The following PCSK5 variants were observed in gnomAD, a reference collection of about 807,000 sequenced individuals.
PCSK5 encodes proprotein convertase subtilisin/kexin type 5, also known as prohormone convertase 5.
In PCSK5, 129 loss-of-function variants were observed where a neutral mutation model predicts 233.2. That is an observed-to-expected ratio of 0.55 (90% CI 0.48 to 0.64). The LOEUF (loss-of-function observed/expected upper bound fraction) is 0.64, where lower values mean the gene tolerates loss of function less well. Among genes scored for constraint, PCSK5 ranks in the 30% least tolerant of loss-of-function variants. The pLI is 0.00. For missense variants in PCSK5, 2,076 were observed against 2,430.1 expected (o/e 0.85, Z 3.06); for synonymous variants, 825 against 879.2 (o/e 0.94, Z 1.09).
chr9:76,020,354 T>C (rs970325834), intron 3 of PCSK5, among the ~76,000 whole-genome samples: 2 of 152,212 alleles, frequency 1.3e-5, no homozygotes, highest in Non-Finnish European at 2.9e-5. Context: ...TCTTGAGGTA[T>C]AGGAAACAAC....
chr9:76,193,539 T>G (rs1406685554), intron 20 of PCSK5: 1 of 512,868 alleles, frequency 1.9e-6, no homozygotes. Flanking sequence ...AGAACTTAAA[T>G]GGAAAAAAAA....
chr9:76,043,982 T>A (rs1183022198), intron 5 of PCSK5, among the ~76,000 whole-genome samples: 1 of 152,200 alleles, frequency 6.6e-6, no homozygotes, highest in African/African-American at 2.4e-5. Context: ...TACCCCTAAC[T>A]AATTATAATT....
intron 24 of PCSK5, among the ~76,000 whole-genome samples, chr9:76,268,421 C>G (rs1426787083): frequency 6.6e-6 from 1 of 152,178 alleles, no homozygotes; most frequent in Non-Finnish European, 1.5e-5. Context: ...TGTTTGTTGA[C>G]TGGTGGTGGC....
intron 20 of PCSK5, among the ~76,000 whole-genome samples, chr9:76,220,707 T>C (rs1171473220): frequency 2.6e-5 from 4 of 152,176 alleles, no homozygotes; most frequent in African/African-American, 7.2e-5. Flanking sequence ...GTATACATTA[T>C]GGAATGGCTA....
chr9:75,944,588 G>A (rs1009043545), intron 2 of PCSK5, among the ~76,000 whole-genome samples: 2 of 151,964 alleles, frequency 1.3e-5, no homozygotes, highest in Non-Finnish European at 2.9e-5. Context: ...TTTTCTTTCT[G>A]TCTTTCCCCC....
rs76551566 is a variant in PCSK5 at position 76,165,741 on chromosome 9, G to T, written c.1620-3963G>T. 6.9e-3 allele frequency among the ~76,000 whole-genome samples: 1,055 copies of T among 152,262 alleles called. 20 individuals carry two copies. The highest frequency in any genetic ancestry group is 0.024 in the African/African-American group (1,010 of 41,566). ...AAAGGCATGGAGTTAATGTACTTAG[G>T]CTTTCAGCACACTGGCTCTGCTTTA... On this transcript the variant is annotated intron_variant, in intron 12 of 37. Transcript: ENST00000674117.
At position 75,925,208 on chromosome 9, in the gene PCSK5, A is replaced by C. The variant is rs551976866; in HGVS notation, c.193-7171A>C. Reference sequence around the variant, plus strand: ...ATGATTATGTGGTTATTGGTGATACATTCTTAATTTCAGATATATTTTTAT... The same window carrying C: ...ATGATTATGTGGTTATTGGTGATACCTTCTTAATTTCAGATATATTTTTAT... On this transcript the variant is annotated intron_variant, in intron 1 of 37. Transcript: ENST00000674117. Among the ~76,000 whole-genome samples, 138 of 152,298 alleles carry C rather than the reference A, an allele frequency of 9.1e-4. 2 individuals carry two copies. The Middle Eastern group carries it at 0.01, about 11-fold the overall frequency.
chr9:75,929,790 C>T (rs956190073), intron 1 of PCSK5, among the ~76,000 whole-genome samples: 1 of 151,790 alleles, frequency 6.6e-6, no homozygotes, highest in African/African-American at 2.4e-5. Flanking sequence ...GCACGTCTCA[C>T]ATGACAGCAG....
chr9:75,976,413 G>A (rs1826024489), intron 2 of PCSK5, among the ~76,000 whole-genome samples: 1 of 151,984 alleles, frequency 6.6e-6, no homozygotes, highest in African/African-American at 2.4e-5. Flanking sequence ...AGGAATAAGG[G>A]AGCTATCCTT....
intron 2 of PCSK5, among the ~76,000 whole-genome samples, chr9:75,935,981 C>G (rs565770605): frequency 1.3e-5 from 2 of 152,250 alleles, no homozygotes; most frequent in African/African-American, 4.8e-5. Context: ...GGTTCTGGAC[C>G]TCTTCAATAA....
At chr9:75,942,221 A>C (rs4584211) in intron 2 of PCSK5, among the ~76,000 whole-genome samples, 82,987 of 152,076 alleles carry the variant, frequency 0.55, 22,854 homozygotes, top group Middle Eastern at 0.59. Flanking sequence ...TTAAAAGGAC[A>C]TGCAAGTCTC....
intron 5 of PCSK5, among the ~76,000 whole-genome samples, chr9:76,034,861 GAC>G (rs1441676855): frequency 6.6e-6 from 1 of 152,168 alleles, no homozygotes; most frequent in Non-Finnish European, 1.5e-5. Context: ...CAAGAGTACT[GAC>G]CTTGATTGGT....
intron 9 of PCSK5, 86 bp from the exon 10 acceptor site, chr9:76,134,023 T>C (rs1467252110): frequency 1.1e-6 from 1 of 897,412 alleles, no homozygotes; most frequent in Non-Finnish European, 1.8e-6. Context: ...CCATTTTGAT[T>C]TTGCTTTTTT....
Position 76,227,549 on chromosome 9 carries a change from A to G in PCSK5, c.2673A>G (p.Ser891=). The G allele has an allele frequency of 6.2e-7, 1 of 1,612,246 alleles. No homozygotes were observed. Among genetic ancestry groups the G allele is most frequent in the Non-Finnish European group, 8.5e-7 (1 of 1,179,680 alleles). ...EHGHCQTCEA[S]CAKCQGPTQE... is the part of the protein sequence containing the mutation. ...GCCACTGCCAGACCTGTGAGGCCTC[A>G]TGTGCCAAGTGCCAGGGACCAACCC... Residue 891 remains serine, a synonymous_variant, in exon 21 of 38, where the codon TCA becomes TCG. Coordinates refer to ENST00000674117, the MANE Select transcript of PCSK5 (RefSeq NM_001372043.1).
At chr9:76,035,560 G>A (rs563068522) in intron 5 of PCSK5, among the ~76,000 whole-genome samples, 3 of 152,182 alleles carry the variant, frequency 2.0e-5, no homozygotes, top group African/African-American at 7.2e-5. Flanking sequence ...CTAACTTGGT[G>A]TATTATTGAC....
chr9:76,105,022 A>G (rs1326495470), intron 8 of PCSK5, among the ~76,000 whole-genome samples: 1 of 152,160 alleles, frequency 6.6e-6, no homozygotes, highest in Non-Finnish European at 1.5e-5. Flanking sequence ...CAATCCAGCA[A>G]TTCCTCTTCT....
At chr9:76,316,095 A>G (rs1276473691) in intron 30 of PCSK5, among the ~76,000 whole-genome samples, 1 of 152,052 alleles carries the variant, frequency 6.6e-6, no homozygotes, top group Non-Finnish European at 1.5e-5. Flanking sequence ...GTGTCCAGAA[A>G]CTATTCTCTG....
chr9:75,993,006 T>C (rs1016768742), intron 3 of PCSK5, among the ~76,000 whole-genome samples: 3 of 152,154 alleles, frequency 2.0e-5, no homozygotes, highest in African/African-American at 7.2e-5. Flanking sequence ...AACTGGATGG[T>C]GTTCAGTACT....
At chr9:76,288,258 T>C (rs1327207572) in intron 24 of PCSK5, among the ~76,000 whole-genome samples, 1 of 152,198 alleles carries the variant, frequency 6.6e-6, no homozygotes, top group Non-Finnish European at 1.5e-5. Flanking sequence ...TCCCCATTCT[T>C]GGAGAAAACT....
Sources: gnomAD v4.1 joint callset for allele counts (sites outside exome capture counted in the v4.1 genomes callset) on GRCh38, gnomAD v4.1.1 for gene constraint, MANE v1.5 for transcripts, NCBI Gene and HGNC (gene_info 2026-07-23, HGNC 2026-07-21) for gene names.